Variants in PCED1B observed in about 807,000 individuals in gnomAD.
PCED1B encodes the protein PC-esterase domain containing 1B, also known as PC-esterase domain-containing protein 1B.
For missense variants in PCED1B, 573 were observed against 573.9 expected (o/e 1.00, Z 0.02); for synonymous variants, 251 against 246.1 (o/e 1.02, Z -0.19).
chr12:47,121,288 T>A (rs184661211), intron 2 of PCED1B, among the ~76,000 whole-genome samples: 245 of 152,322 alleles, frequency 1.6e-3, no homozygotes, highest in African/African-American at 5.6e-3. Context: ...GCTTCTCACT[T>A]GTTTTTGCAT....
chr12:47,146,065 A>T (rs892874433), intron 2 of PCED1B, among the ~76,000 whole-genome samples: 4 of 152,222 alleles, frequency 2.6e-5, no homozygotes, highest in Admixed American at 1.3e-4. Context: ...TCAAAATATC[A>T]ACATTAACAG....
chr12:47,194,214 G>A (rs1365679223), intron 2 of PCED1B, among the ~76,000 whole-genome samples: 5 of 152,090 alleles, frequency 3.3e-5, no homozygotes, highest in Admixed American at 1.3e-4. Context: ...TCACTCTGTC[G>A]CCCAGGCTGG....
At chr12:47,128,102 T>C (rs1939969345) in intron 2 of PCED1B, among the ~76,000 whole-genome samples, 1 of 152,206 alleles carries the variant, frequency 6.6e-6, no homozygotes, top group African/African-American at 2.4e-5. Flanking sequence ...TCTGTAAATT[T>C]AGATCTGTAA....
In PCED1B at chr12:47,224,229, A is replaced by G. The variant is rs534678344; in HGVS notation, c.-58+7540A>G. Among the ~76,000 whole-genome samples the G allele has an allele frequency of 3.7e-4, 57 of 152,380 alleles. 1 individual carries two copies. Among genetic ancestry groups the G allele is most frequent in the African/African-American group, 1.3e-3 (56 of 41,594 alleles). On this transcript the variant is annotated intron_variant, in intron 3 of 3. Transcript: ENST00000546455. The stretch of plus-strand genomic sequence containing the variant: ...ACAAAAGGCTGTAAAACAAAAGTTT[A>G]AAAAAGTGAGGTCACTGGAATTAAT...
At chr12:47,122,496 T>C (rs1939721716) in intron 2 of PCED1B, among the ~76,000 whole-genome samples, 1 of 152,250 alleles carries the variant, frequency 6.6e-6, no homozygotes, top group African/African-American at 2.4e-5. Context: ...CTTCCTTATG[T>C]CCTCAGTAAT....
At chr12:47,234,413 G>A (rs760149812) in intron 3 of PCED1B, among the ~76,000 whole-genome samples, 11 of 152,170 alleles carry the variant, frequency 7.2e-5, no homozygotes, top group Non-Finnish European at 1.2e-4. Flanking sequence ...AAAATAAAAG[G>A]GGAGAGAAGT....
At position 47,235,973 on chromosome 12, in the gene PCED1B, G is replaced by A. The variant is rs777595332; in HGVS notation, c.910G>A (p.Gly304Arg). 6.2e-7 allele frequency: 1 copy of A among 1,606,848 alleles called. No individual in the cohort carries two copies. The highest frequency in any genetic ancestry group is 1.4e-5 in the African/African-American group (1 of 73,502). ...LPSPTYRPLLGFPPQRLPLLP... is the reference protein window; with the variant it reads ...LPSPTYRPLLRFPPQRLPLLP... ...TTCCCCCACATACCGCCCCCTGCTT[G>A]GGTTCCCACCCCAGCGCTTGCCGCT... is the stretch of plus-strand genomic sequence containing the variant. The change falls in exon 4 of 4, where the codon GGG becomes AGG. Residue 304 changes from glycine to arginine, a missense_variant. By Grantham distance (125) the Gly-to-Arg change is moderately radical. Coordinates refer to ENST00000546455, the MANE Select transcript of PCED1B (RefSeq NM_138371.3).
intron 2 of PCED1B, among the ~76,000 whole-genome samples, chr12:47,124,931 T>C (rs939026090): frequency 1.3e-4 from 20 of 151,962 alleles, no homozygotes; most frequent in African/African-American, 4.8e-4. Flanking sequence ...AACAGGTAAG[T>C]GATGAGCAAA....
At chr12:47,165,192 T>G (rs1344698186) in intron 2 of PCED1B, among the ~76,000 whole-genome samples, 1 of 152,238 alleles carries the variant, frequency 6.6e-6, no homozygotes, top group Non-Finnish European at 1.5e-5. Context: ...GACAACATTT[T>G]TCTCCTTTTG....
intron 2 of PCED1B, chr12:47,206,107 C>T (rs12370622): frequency 0.21 from 31,809 of 152,128 alleles, 4,208 homozygotes; most frequent in Non-Finnish European, 0.3. Context: ...ACCAGTTTAC[C>T]GATCTGGATG....
chr12:47,235,440 G>C lies in PCED1B; in HGVS notation c.377G>C (p.Trp126Ser), dbSNP rs748047219. Reference sequence around the variant, plus strand: ...CTGGTCATCATGAATTCCTGCCTCTGGGACATCTCCAGGTATGGTCCGAAC... The same window carrying C: ...CTGGTCATCATGAATTCCTGCCTCTCGGACATCTCCAGGTATGGTCCGAAC... ...PDLVIMNSCL[W>S]DISRYGPNSW... The change falls in exon 4 of 4, where the codon TGG (tryptophan) becomes TCG (serine). Residue 126 changes from tryptophan to serine, a missense_variant. Transcript: ENST00000546455. 6.2e-6 allele frequency: 10 copies of C among 1,614,170 alleles called. No homozygotes were observed. Among genetic ancestry groups the C allele is most frequent in the Non-Finnish European group, 8.5e-6 (10 of 1,180,032 alleles).
At chr12:47,208,031 G>GT (rs143943412) in intron 2 of PCED1B, among the ~76,000 whole-genome samples, 2,525 of 148,688 alleles carry the variant, frequency 0.017, 88 homozygotes, top group East Asian at 0.15. Context: ...AATTTGTTGG[G>GT]TTTTTTTTTT....
At chr12:47,091,995 C>T (rs1249230916) in intron 1 of PCED1B, among the ~76,000 whole-genome samples, 1 of 152,024 alleles carries the variant, frequency 6.6e-6, no homozygotes, top group Non-Finnish European at 1.5e-5. Flanking sequence ...TATATTTATT[C>T]TTCAAGAATA....
chr12:47,152,099 C>CTATAGTAAT (rs1278731250), intron 2 of PCED1B, among the ~76,000 whole-genome samples: 4 of 152,060 alleles, frequency 2.6e-5, no homozygotes, highest in Non-Finnish European at 5.9e-5. Context: ...CTTTGGTAAA[C>CTATAGTAAT]ACTATAGTAA....
intron 2 of PCED1B, among the ~76,000 whole-genome samples, chr12:47,162,493 A>G (rs1255158924): frequency 6.6e-6 from 1 of 152,080 alleles, no homozygotes; most frequent in Non-Finnish European, 1.5e-5. Context: ...AGGTTGGGTG[A>G]TTTATAAAGA....
chr12:47,092,585 T>C (rs1938312970), intron 1 of PCED1B, among the ~76,000 whole-genome samples: 1 of 152,070 alleles, frequency 6.6e-6, no homozygotes, highest in African/African-American at 2.4e-5. Context: ...GTGGTCATTC[T>C]TGACCCAGTT....
At chr12:47,157,545 G>T (rs2137484863) in intron 2 of PCED1B, among the ~76,000 whole-genome samples, 1 of 152,286 alleles carries the variant, frequency 6.6e-6, no homozygotes, top group South Asian at 2.1e-4. Flanking sequence ...CTGTACTTCA[G>T]CCTAGGCGAC....
chr12:47,174,371 C>A (rs111238547), intron 2 of PCED1B, among the ~76,000 whole-genome samples: 5,902 of 150,498 alleles, frequency 0.039, 380 homozygotes, highest in African/African-American at 0.14. Context: ...ATTGCGCTAC[C>A]GCACTCCAGC....
At chr12:47,188,027 T>C (rs1942327452) in intron 2 of PCED1B, 1 of 153,784 alleles carries the variant, frequency 6.5e-6, no homozygotes, top group Non-Finnish European at 1.5e-5. Flanking sequence ...GCTGCTTTAT[T>C]TCCACAGTTT....
Sources: gnomAD v4.1 joint callset for allele counts (sites outside exome capture counted in the v4.1 genomes callset) on GRCh38, gnomAD v4.1.1 for gene constraint, MANE v1.5 for transcripts, NCBI Gene and HGNC (gene_info 2026-07-23, HGNC 2026-07-21) for gene names.